Variants in ERC1 observed in about 807,000 individuals in gnomAD.
ERC1 encodes ELKS/RAB6-interacting/CAST family member 1.
Under a neutral mutation model 132.0 loss-of-function variants are expected in ERC1, and 56 were observed. That is an observed-to-expected ratio of 0.42 (90% CI 0.34 to 0.53). ERC1 has a LOEUF of 0.53. ERC1 is among the 20% of genes least tolerant of loss of function. ERC1 has a pLI of 0.03. For missense variants in ERC1, 1,202 were observed against 1,349.9 expected, an observed-to-expected ratio of 0.89 and a Z score of 1.72; for synonymous variants, 478 against 476.1, an observed-to-expected ratio of 1.00 and a Z score of -0.05.
intron 18 of ERC1, among the ~76,000 whole-genome samples, chr12:1,470,286 C>G (rs188703259): frequency 9.2e-5 from 14 of 152,154 alleles, no homozygotes; most frequent in African/African-American, 3.4e-4. Context: ...TGGGGGGAAA[C>G]TTCCTTCTCT....
At chr12:1,208,608 T>G (rs1957556235) in intron 12 of ERC1, among the ~76,000 whole-genome samples, 1 of 152,136 alleles carries the variant, frequency 6.6e-6, no homozygotes, top group South Asian at 2.1e-4. Flanking sequence ...TTGCACAGTG[T>G]CCAGAGAAGC....
chr12:1,384,796 A>G (rs910723950), intron 16 of ERC1, among the ~76,000 whole-genome samples: 1 of 152,234 alleles, frequency 6.6e-6, no homozygotes, highest in East Asian at 1.9e-4. Flanking sequence ...CTTAAAGTTT[A>G]TGGTATTGCC....
At chr12:1,093,428 C>T (rs866316443) in intron 3 of ERC1, among the ~76,000 whole-genome samples, 1 of 152,142 alleles carries the variant, frequency 6.6e-6, no homozygotes, top group East Asian at 1.9e-4. Context: ...CTGTTATACA[C>T]CAACATTTGA....
At chr12:1,215,813 G>A (rs1027492329) in intron 12 of ERC1, among the ~76,000 whole-genome samples, 7 of 151,940 alleles carry the variant, frequency 4.6e-5, no homozygotes, top group African/African-American at 1.7e-4. Context: ...ACTGCATGAG[G>A]GAATATTAAA....
rs145802764 is a variant in ERC1, at chr12:1,011,561, A to C, written c.-156-16187A>C. Among the ~76,000 whole-genome samples, 749 of 152,314 alleles carry C rather than the reference A, an allele frequency of 4.9e-3. 10 individuals carry two copies. Among genetic ancestry groups the C allele is most frequent in the African/African-American group, 0.017 (724 of 41,564 alleles). On this transcript the variant is annotated intron_variant, in intron 1 of 18. Transcript: ENST00000360905. The stretch of plus-strand genomic sequence containing the variant: ...ACCTGTTTGGAAAATTTTGACAACT[A>C]TTAGGAAAAAACTAGGTTTCAGCTC...
chr12:1,158,620 T>C (rs968177974), intron 8 of ERC1, among the ~76,000 whole-genome samples: 3 of 150,996 alleles, frequency 2.0e-5, no homozygotes, highest in African/African-American at 7.3e-5. Context: ...TTTTTTTTTT[T>C]TTTTATAGTT....
At chr12:1,240,212 T>C (rs979520231) in intron 13 of ERC1, among the ~76,000 whole-genome samples, 4 of 152,200 alleles carry the variant, frequency 2.6e-5, no homozygotes, top group African/African-American at 9.7e-5. Context: ...AATTTGGAGA[T>C]TGCTGGGACA....
chr12:1,190,311 TTTAAAA>T (rs1275279406), intron 12 of ERC1: 2 of 532,096 alleles, frequency 3.8e-6, no homozygotes, highest in East Asian at 4.0e-5. Context: ...TATTCATTAA[TTTAAAA>T]TTAAAGTTTT....
chr12:1,332,910 TACATGTGCAGGTTTGTTATGTAGGTAA>T (rs1488416861), intron 15 of ERC1, among the ~76,000 whole-genome samples: 1 of 152,132 alleles, frequency 6.6e-6, no homozygotes, highest in African/African-American at 2.4e-5. Context: ...AGTACAGGGG[TACATGTGCAGGTTTGTTATGTAGGTAA>T]ACTTAGGTCA....
upstream of ERC1, chr12:990,954 T>TGG (rs995342153): frequency 7.1e-6 from 1 of 141,728 alleles, no homozygotes. Flanking sequence ...TGTGTGTGAG[T>TGG]GTGTGTGTGT....
At chr12:1,394,025 A>AAC (rs1555389310) in intron 16 of ERC1, among the ~76,000 whole-genome samples, 6 of 115,962 alleles carry the variant, frequency 5.2e-5, no homozygotes, top group South Asian at 2.5e-4. Flanking sequence ...CAAAAAAAAA[A>AAC]AAAAAAAACA....
chr12:1,490,469 T>C lies in ERC1; in HGVS notation c.*239T>C. The C allele has an allele frequency of 2.1e-6, 1 of 468,662 alleles. No individual in the cohort carries two copies. Among genetic ancestry groups the C allele is most frequent in the South Asian group, 3.6e-5 (1 of 27,922 alleles). 29.0% of individuals were successfully genotyped at this position (468,662 alleles called of 1,614,324 possible). On this transcript the variant is annotated 3_prime_UTR_variant, in exon 19 of 19. Coordinates refer to ENST00000360905, the MANE Select transcript of ERC1 (RefSeq NM_178040.4). ...TGTCCAGGGTAGATAAAGGGTCGAATCTCTCTGAAGAACTGCCACCTGGTC... is the reference window on the plus strand; with the variant it reads ...TGTCCAGGGTAGATAAAGGGTCGAACCTCTCTGAAGAACTGCCACCTGGTC...
At chr12:1,007,516 T>TTC (rs377671282) in intron 1 of ERC1, among the ~76,000 whole-genome samples, 5,864 of 122,410 alleles carry the variant, frequency 0.048, 187 homozygotes, top group Non-Finnish European at 0.057. Flanking sequence ...CACTGGGTAA[T>TTC]TCTCTCTCTC....
chr12:1,175,105 T>C (rs1269193971), intron 8 of ERC1, among the ~76,000 whole-genome samples: 1 of 152,218 alleles, frequency 6.6e-6, no homozygotes, highest in Non-Finnish European at 1.5e-5. Context: ...ATGCTAATGA[T>C]TTTCTGAGCC....
At chr12:1,146,308 G>GTTTTTT (rs1172108036) in intron 8 of ERC1, among the ~76,000 whole-genome samples, 438 of 31,656 alleles carry the variant, frequency 0.014, 41 homozygotes, top group African/African-American at 0.029. Flanking sequence ...TATTTTACTG[G>GTTTTTT]TTTTTTTTTT....
chr12:1,128,327 CTTGTTAGGATG>C (rs1948416193), intron 7 of ERC1, among the ~76,000 whole-genome samples: 1 of 152,170 alleles, frequency 6.6e-6, no homozygotes, highest in South Asian at 2.1e-4. Flanking sequence ...TCAGATATGA[CTTGTTAGGATG>C]TTGTTTCATG....
chr12:1,083,113 T>C, intron 2 of ERC1, 51 bp from the exon 3 acceptor site: 3 of 1,507,276 alleles, frequency 2.0e-6, no homozygotes, highest in Non-Finnish European at 2.7e-6. Context: ...TCTGATTTGC[T>C]ACTTGAGGAG....
intron 16 of ERC1, among the ~76,000 whole-genome samples, chr12:1,377,295 T>C (rs2088050183): frequency 6.6e-6 from 1 of 152,248 alleles, no homozygotes; most frequent in African/African-American, 2.4e-5. Context: ...TGTTGTTTCA[T>C]CGGTAAAGCT....
chr12:1,322,982 C>T (rs956931168), intron 15 of ERC1, among the ~76,000 whole-genome samples: 12 of 152,198 alleles, frequency 7.9e-5, no homozygotes, highest in African/African-American at 2.9e-4. Flanking sequence ...GAAAACTGGT[C>T]TAGGAATTAG....
Sources: gnomAD v4.1 joint callset for allele counts (sites outside exome capture counted in the v4.1 genomes callset) on GRCh38, gnomAD v4.1.1 for gene constraint, MANE v1.5 for transcripts, NCBI Gene and HGNC (gene_info 2026-07-23, HGNC 2026-07-21) for gene names.